DLG2: variants seen among roughly 807,000 people sequenced by gnomAD.
The protein encoded by DLG2 is discs large MAGUK scaffold protein 2.
DLG2 carries 45 observed loss-of-function variants against 132.5 expected under a neutral mutation model. That is an observed-to-expected ratio of 0.34 (90% CI 0.27 to 0.44). The LOEUF (loss-of-function observed/expected upper bound fraction) is 0.44. DLG2 is among the 20% of genes least tolerant of loss of function. The pLI, the probability that DLG2 is intolerant of heterozygous loss-of-function variation, is 1.00. For missense variants in DLG2, 1,045 were observed against 1,196.9 expected (o/e 0.87, Z 1.87); for synonymous variants, 424 against 419.6 (o/e 1.01, Z -0.13).
At chr11:83,750,980 C>G (rs1052353098) in intron 18 of DLG2, among the ~76,000 whole-genome samples, 2 of 152,182 alleles carry the variant, frequency 1.3e-5, no homozygotes, top group Admixed American at 6.5e-5. Context: ...GATAAACTCT[C>G]TGTCCTCACT....
chr11:85,221,673 T>C (rs2074653063), intron 4 of DLG2, among the ~76,000 whole-genome samples: 2 of 152,236 alleles, frequency 1.3e-5, no homozygotes, highest in South Asian at 2.1e-4. Context: ...TCTTATTTAA[T>C]ATTCACATCA....
chr11:85,331,058 A>C (rs1174693572), intron 3 of DLG2, among the ~76,000 whole-genome samples: 1 of 152,204 alleles, frequency 6.6e-6, no homozygotes, highest in Non-Finnish European at 1.5e-5. Context: ...ATATGAAATG[A>C]TAAAATTCTA....
intron 6 of DLG2, among the ~76,000 whole-genome samples, chr11:85,011,492 T>C (rs2059143671): frequency 6.6e-6 from 1 of 152,190 alleles, no homozygotes; most frequent in Non-Finnish European, 1.5e-5. Flanking sequence ...ATTTAACACT[T>C]AGTCAAGAGT....
intron 6 of DLG2, among the ~76,000 whole-genome samples, chr11:84,981,411 T>C (rs1048355284): frequency 6.6e-6 from 1 of 152,120 alleles, no homozygotes; most frequent in Non-Finnish European, 1.5e-5. Context: ...TAGGAAGCAG[T>C]GTTGAGTAAC....
intron 7 of DLG2, chr11:84,316,765 A>C: frequency 1.3e-6 from 2 of 1,501,722 alleles, no homozygotes; most frequent in Non-Finnish European, 1.8e-6. Context: ...TTCTAACCTT[A>C]AACAACTTGC....
rs549996342 is a variant in DLG2 at position 85,039,666 on chromosome 11, C to A, written c.357+71995G>T. On this transcript the variant is annotated intron_variant, in intron 6 of 27. Coordinates refer to ENST00000376104, the MANE Select transcript of DLG2 (RefSeq NM_001142699.3). The stretch of plus-strand genomic sequence containing the variant: ...GTTGGGGACAATGTTTGAATTAGCA[C>A]GAGAAACAGGTTACCTAAGAGAAAG... Among the ~76,000 whole-genome samples the A allele has an allele frequency of 2.0e-5, 3 of 151,670 alleles. No individual in the cohort carries two copies. The South Asian group carries it at 6.2e-4, about 32-fold the overall frequency.
chr11:84,036,426 T>A (rs1324593125), intron 11 of DLG2, among the ~76,000 whole-genome samples: 1 of 151,998 alleles, frequency 6.6e-6, no homozygotes, highest in Non-Finnish European at 1.5e-5. Context: ...TTTTTTTTTA[T>A]TTTCAATTGA....
In DLG2 at chr11:85,203,951, T is replaced by C. The variant is rs572570177; in HGVS notation, c.187-49300A>G. ...GACAAAAACAATACTATCATTTCAA[T>C]TGATGCTGGAAAAACATTTGGTAAA... On this transcript the variant is annotated intron_variant, in intron 4 of 27. Transcript: ENST00000376104. Among the ~76,000 whole-genome samples, 106 of 152,248 alleles carry C rather than the reference T, an allele frequency of 7.0e-4. 1 individual carries two copies. The highest frequency in any genetic ancestry group is 2.3e-3 in the African/African-American group (96 of 41,576).
intron 6 of DLG2, among the ~76,000 whole-genome samples, chr11:84,935,012 TC>T (rs2048574131): frequency 6.6e-6 from 1 of 152,124 alleles, no homozygotes; most frequent in Non-Finnish European, 1.5e-5. Context: ...AACTTCCTCT[TC>T]CTCCTCTCTT....
At chr11:85,366,988 T>C (rs888262516) in intron 3 of DLG2, among the ~76,000 whole-genome samples, 8 of 152,164 alleles carry the variant, frequency 5.3e-5, no homozygotes, top group East Asian at 3.8e-4. Context: ...ACATTTTTTA[T>C]AGTATACTTC....
At chr11:84,755,837 G>C (rs1338347892) in intron 6 of DLG2, among the ~76,000 whole-genome samples, 1 of 152,138 alleles carries the variant, frequency 6.6e-6, no homozygotes, top group African/African-American at 2.4e-5. Context: ...GAAAATAAAG[G>C]TCACTTTTAG....
At chr11:84,282,769 T>C (rs772287221) in intron 7 of DLG2, among the ~76,000 whole-genome samples, 4 of 152,172 alleles carry the variant, frequency 2.6e-5, no homozygotes, top group Non-Finnish European at 5.9e-5. Flanking sequence ...TTACTTCTAG[T>C]TATGGTTCTT....
At chr11:83,989,647 C>G (rs1209880759) in intron 11 of DLG2, among the ~76,000 whole-genome samples, 3 of 152,120 alleles carry the variant, frequency 2.0e-5, no homozygotes, top group Admixed American at 6.6e-5. Flanking sequence ...AGATTCCAGG[C>G]TGGATAAATG....
rs79979207 is a variant in DLG2 at position 85,380,422 on chromosome 11, G to C, written c.41-95057C>G. Among the ~76,000 whole-genome samples the C allele has an allele frequency of 9.7e-3, 1,474 of 152,316 alleles. 20 individuals are homozygous for C. Among genetic ancestry groups the C allele is most frequent in the African/African-American group, 0.032 (1,328 of 41,576 alleles). ...GCCTGTAATTCCAGCACTTTGGGAG[G>C]CCAAGGCAGGAGGATCACCTGGAGG... is the stretch of plus-strand genomic sequence containing the variant. On this transcript the variant is annotated intron_variant, in intron 3 of 27. Transcript: ENST00000376104.
At chr11:84,008,251 T>C (rs2094680711) in intron 11 of DLG2, among the ~76,000 whole-genome samples, 2 of 151,926 alleles carry the variant, frequency 1.3e-5, no homozygotes, top group African/African-American at 4.8e-5. Context: ...ATCATCTTCT[T>C]AGTGAACTCC....
chr11:84,897,008 A>C (rs2154067958), intron 6 of DLG2, among the ~76,000 whole-genome samples: 1 of 151,982 alleles, frequency 6.6e-6, no homozygotes, highest in East Asian at 1.9e-4. Flanking sequence ...TCTATGTACC[A>C]ACCAACCAGC....
intron 3 of DLG2, among the ~76,000 whole-genome samples, chr11:85,511,138 C>T (rs1255653173): frequency 1.3e-5 from 2 of 151,942 alleles, no homozygotes; most frequent in African/African-American, 2.4e-5. Flanking sequence ...AACCGAACAC[C>T]GCATGTTCTC....
At chr11:85,467,595 T>C (rs569887755) in intron 3 of DLG2, among the ~76,000 whole-genome samples, 1 of 152,330 alleles carries the variant, frequency 6.6e-6, no homozygotes, top group East Asian at 1.9e-4. Context: ...TGGTTCTGTT[T>C]ATATGCTGGA....
chr11:84,341,952 A>G (rs10501559), intron 7 of DLG2, among the ~76,000 whole-genome samples: 52,085 of 152,156 alleles, frequency 0.34, 11,081 homozygotes, highest in African/African-American at 0.6. Flanking sequence ...GAGATATGAC[A>G]TTTGGCATCA....
Sources: gnomAD v4.1 joint callset for allele counts (sites outside exome capture counted in the v4.1 genomes callset) on GRCh38, gnomAD v4.1.1 for gene constraint, MANE v1.5 for transcripts, NCBI Gene and HGNC (gene_info 2026-07-23, HGNC 2026-07-21) for gene names.